The following PDE1A variants were observed in gnomAD, a reference collection of about 807,000 sequenced individuals.
The protein encoded by PDE1A is phosphodiesterase 1A.
PDE1A carries 35 observed loss-of-function variants against 61.7 expected under a neutral mutation model. The ratio of observed to expected loss-of-function variants is 0.57; its 90% CI spans 0.43 to 0.75. The LOEUF is 0.75. PDE1A is among the 30% of genes least tolerant of loss of function. The probability of loss-of-function intolerance (pLI) is 0.00; values close to 1 mark genes in which losing one functional copy is unlikely to be tolerated. For synonymous variants in PDE1A, 232 were observed against 213.2 expected (o/e 1.09, Z -0.77); for missense variants, 597 against 630.6 (o/e 0.95, Z 0.57).
the PDE1A span, among the ~76,000 whole-genome samples, chr2:182,676,126 T>C: frequency 6.6e-6 from 1 of 152,050 alleles, no homozygotes. Context: ...AAAAAAACCA[T>C]TCAAAAGATA....
chr2:182,181,744 GC>G (rs1160528867), intron 13 of PDE1A, among the ~76,000 whole-genome samples: 2 of 152,188 alleles, frequency 1.3e-5, no homozygotes, highest in African/African-American at 2.4e-5. Context: ...GACTGGAGCT[GC>G]TGGATTTCCT....
At chr2:182,670,941 C>T in the PDE1A span, among the ~76,000 whole-genome samples, 1 of 151,750 alleles carries the variant, frequency 6.6e-6, no homozygotes, top group Admixed American at 6.6e-5. Flanking sequence ...CCTCAGCCTC[C>T]CGAGTAACTG....
downstream of PDE1A, among the ~76,000 whole-genome samples, chr2:182,143,602 G>C (rs1367557160): frequency 1.3e-5 from 2 of 151,972 alleles, no homozygotes; most frequent in African/African-American, 4.8e-5. Flanking sequence ...TGCAAGCTCC[G>C]CCTCCCGGGT....
chr2:182,459,289 C>G (rs1470836450), intron 2 of PDE1A, among the ~76,000 whole-genome samples: 1 of 151,966 alleles, frequency 6.6e-6, no homozygotes, highest in Non-Finnish European at 1.5e-5. Flanking sequence ...TTCAGAGAAC[C>G]TATAAAATCT....
chr2:182,146,844 A>T (rs1377689897), downstream of PDE1A, among the ~76,000 whole-genome samples: 1 of 152,152 alleles, frequency 6.6e-6, no homozygotes, highest in Non-Finnish European at 1.5e-5. Context: ...ATTTTTGTTG[A>T]TTAACAAATT....
chr2:182,484,054 A>G (rs1398296743), intron 2 of PDE1A, among the ~76,000 whole-genome samples: 5 of 151,928 alleles, frequency 3.3e-5, no homozygotes. Flanking sequence ...ACTACAAAAG[A>G]CTCATAAACA....
chr2:182,527,318 AAAAAAAAAAATATATATATATATAT>A (rs1690788067), upstream of PDE1A, among the ~76,000 whole-genome samples: 1 of 48,606 alleles, frequency 2.1e-5, no homozygotes, highest in African/African-American at 8.7e-5. Flanking sequence ...AAAAAAAAAA[AAAAAAAAAAATATATATATATATAT>A]ATATATATAT....
chr2:182,421,261 T>C (rs1703260755), intron 1 of PDE1A, among the ~76,000 whole-genome samples: 1 of 152,188 alleles, frequency 6.6e-6, no homozygotes, highest in South Asian at 2.1e-4. Context: ...CATTTCTAAA[T>C]CTTACCAATG....
rs1012167916 is a variant in PDE1A at position 182,413,724 on chromosome 2, A to G, written c.53+12854T>C. Among the ~76,000 whole-genome samples, 4 of 152,312 alleles carry G rather than the reference A, an allele frequency of 2.6e-5. No individual in the cohort carries two copies. In the South Asian group the frequency reaches 8.3e-4, roughly 32 times the overall value. On this transcript the variant is annotated intron_variant, in intron 1 of 13. Transcript: ENST00000351439. Reference sequence around the variant, plus strand: ...GTCAATTTAGGAAACACTAAATATCATATCTTTGCCTTAAATATTTACACT... The same window carrying G: ...GTCAATTTAGGAAACACTAAATATCGTATCTTTGCCTTAAATATTTACACT...
intron 1 of PDE1A, among the ~76,000 whole-genome samples, chr2:182,364,088 C>T (rs185638222): frequency 6.6e-6 from 1 of 151,920 alleles, no homozygotes; most frequent in African/African-American, 2.4e-5. Flanking sequence ...AAAGCTACAG[C>T]AATTACCCAG....
intron 3 of PDE1A, 55 bp downstream of exon 3, chr2:182,240,055 T>C (rs947398492): frequency 1.4e-6 from 2 of 1,471,168 alleles, no homozygotes; most frequent in East Asian, 4.5e-5. Flanking sequence ...AAAAAATGAA[T>C]GTATCTGCTG....
chr2:182,556,676 G>T, the PDE1A span, among the ~76,000 whole-genome samples: 2 of 152,144 alleles, frequency 1.3e-5, no homozygotes, highest in African/African-American at 4.8e-5. Flanking sequence ...CATTTATGAT[G>T]AATGCACTGC....
chr2:182,512,889 G>A (rs1036932058), intron 2 of PDE1A, among the ~76,000 whole-genome samples: 1 of 152,094 alleles, frequency 6.6e-6, no homozygotes, highest in African/African-American at 2.4e-5. Context: ...TCAACTCAGT[G>A]AGACAAAAAT....
At chr2:182,538,163 C>G in the PDE1A span, among the ~76,000 whole-genome samples, 2 of 152,256 alleles carry the variant, frequency 1.3e-5, no homozygotes, top group Admixed American at 6.5e-5. Flanking sequence ...GGATGCTGAA[C>G]CAAACATTCC....
chr2:182,186,331 T>A (rs1031827183), intron 12 of PDE1A, 137 bp downstream of exon 12: 17 of 1,029,874 alleles, frequency 1.7e-5, no homozygotes, highest in Non-Finnish European at 2.4e-5. Context: ...CAATATAATA[T>A]AAAGCCACTA....
At chr2:182,419,137 T>A (rs975323322) in intron 1 of PDE1A, among the ~76,000 whole-genome samples, 2 of 151,930 alleles carry the variant, frequency 1.3e-5, no homozygotes, top group African/African-American at 4.8e-5. Flanking sequence ...TTCTAACAAG[T>A]TAAGTTCAAA....
chr2:182,299,109 C>G (rs1037151762), intron 1 of PDE1A, among the ~76,000 whole-genome samples: 1 of 151,836 alleles, frequency 6.6e-6, no homozygotes, highest in Non-Finnish European at 1.5e-5. Flanking sequence ...GCCGAAATAC[C>G]AGGGTCTCTG....
At position 182,236,403 on chromosome 2, in the gene PDE1A, T is replaced by TA. The variant is rs1250934856; in HGVS notation, c.351-1906dup. On this transcript the variant is annotated intron_variant, in intron 3 of 13. Transcript: ENST00000351439. ...TGTTTCTAGTCATTACTATTAATAC[T>TA]AAAAAAATGGAGGTGCAGGGGAAAT... is the stretch of plus-strand genomic sequence containing the variant. Among the ~76,000 whole-genome samples the TA allele has an allele frequency of 2.0e-5, 3 of 151,476 alleles. No homozygotes were observed. In the East Asian group the frequency reaches 5.8e-4, roughly 29 times the overall value.
the PDE1A span, among the ~76,000 whole-genome samples, chr2:182,563,729 A>T: frequency 1.3e-5 from 2 of 152,104 alleles, no homozygotes; most frequent in Admixed American, 1.3e-4. Context: ...GCTTTATGAA[A>T]GTGGATGCTC....
Sources: allele counts gnomAD v4.1 joint callset (sites outside exome capture counted in the v4.1 genomes callset), GRCh38; gene constraint gnomAD v4.1.1; transcripts MANE v1.5; gene names NCBI Gene and HGNC (gene_info 2026-07-23, HGNC 2026-07-21).